Variants in TMEM132D observed in about 807,000 individuals in gnomAD.
The protein encoded by TMEM132D is transmembrane protein 132D.
TMEM132D carries 21 observed loss-of-function variants against 62.3 expected under a neutral mutation model. The ratio of observed to expected loss-of-function variants is 0.34; its 90% CI spans 0.24 to 0.49. The LOEUF (loss-of-function observed/expected upper bound fraction) is 0.49. Among genes scored for constraint, TMEM132D ranks in the 20% least tolerant of loss-of-function variants. The pLI is 0.99. For missense variants in TMEM132D, 1,346 were observed against 1,402.8 expected, an observed-to-expected ratio of 0.96 and a Z score of 0.65; for synonymous variants, 621 against 575.6, an observed-to-expected ratio of 1.08 and a Z score of -1.13.
At chr12:129,466,044 G>T (rs1205740745) in intron 3 of TMEM132D, among the ~76,000 whole-genome samples, 1 of 152,134 alleles carries the variant, frequency 6.6e-6, no homozygotes, top group Non-Finnish European at 1.5e-5. Context: ...TTAATGTAAA[G>T]GGTGTTTGAG....
At chr12:129,561,945 A>C (rs964159210) in intron 2 of TMEM132D, among the ~76,000 whole-genome samples, 2 of 152,178 alleles carry the variant, frequency 1.3e-5, no homozygotes, top group African/African-American at 4.8e-5. Context: ...GGAAGGTGAA[A>C]AGTTTCTGTG....
intron 2 of TMEM132D, among the ~76,000 whole-genome samples, chr12:129,599,963 G>A (rs1461767690): frequency 6.6e-6 from 1 of 152,172 alleles, no homozygotes; most frequent in East Asian, 1.9e-4. Context: ...AGGTTGGAGT[G>A]GCTGTGGCAA....
intron 4 of TMEM132D, among the ~76,000 whole-genome samples, chr12:129,309,804 C>T (rs1426649813): frequency 2.6e-5 from 4 of 151,236 alleles, no homozygotes; most frequent in East Asian, 3.9e-4. Context: ...GTGGTCAGGC[C>T]GGAAAATCGA....
intron 1 of TMEM132D, among the ~76,000 whole-genome samples, chr12:129,893,152 G>A (rs928096965): frequency 6.6e-6 from 1 of 152,150 alleles, no homozygotes; most frequent in Non-Finnish European, 1.5e-5. Context: ...TGGGATTACA[G>A]GCAGGAGCCA....
At chr12:129,125,289 G>A (rs114761689) in intron 5 of TMEM132D, among the ~76,000 whole-genome samples, 1,629 of 152,258 alleles carry the variant, frequency 0.011, 28 homozygotes, top group African/African-American at 0.037. Flanking sequence ...AAGTTGAGGA[G>A]ACATTCTGGA....
At chr12:129,125,222 T>G (rs941436515) in intron 5 of TMEM132D, among the ~76,000 whole-genome samples, 4 of 152,226 alleles carry the variant, frequency 2.6e-5, no homozygotes, top group African/African-American at 9.6e-5. Flanking sequence ...GACCATCTAT[T>G]AAACACACTT....
chr12:129,473,512 G>A (rs900463094), intron 3 of TMEM132D, among the ~76,000 whole-genome samples: 1 of 151,586 alleles, frequency 6.6e-6, no homozygotes, highest in Admixed American at 6.6e-5. Flanking sequence ...TGTATTTTTA[G>A]TAGAGATGGG....
At chr12:129,284,068 T>G (rs1019870740) in intron 4 of TMEM132D, among the ~76,000 whole-genome samples, 1 of 152,266 alleles carries the variant, frequency 6.6e-6, no homozygotes, top group African/African-American at 2.4e-5. Context: ...CTGTGCAGCC[T>G]TGGCTCAGCT....
At chr12:129,833,127 A>C (rs551389179) in intron 1 of TMEM132D, among the ~76,000 whole-genome samples, 1 of 152,040 alleles carries the variant, frequency 6.6e-6, no homozygotes, top group African/African-American at 2.4e-5. Context: ...TCCACACACA[A>C]CTCTACTTGG....
chr12:129,146,076 C>CT (rs10714658), intron 5 of TMEM132D, among the ~76,000 whole-genome samples: 28 of 149,456 alleles, frequency 1.9e-4, no homozygotes, highest in African/African-American at 3.9e-4. Context: ...CCATACTGAT[C>CT]TTTTTTTTTT....
intron 3 of TMEM132D, among the ~76,000 whole-genome samples, chr12:129,347,272 C>T (rs1869716388): frequency 6.6e-6 from 1 of 152,142 alleles, no homozygotes; most frequent in South Asian, 2.1e-4. Flanking sequence ...GCAAAAAGAA[C>T]AAAGCTGGCA....
chr12:129,185,072 T>C (rs1186247911), intron 5 of TMEM132D, among the ~76,000 whole-genome samples: 1 of 152,216 alleles, frequency 6.6e-6, no homozygotes, highest in Non-Finnish European at 1.5e-5. Context: ...GCTGAACTTA[T>C]TTATTTTCTA....
chr12:129,553,966 C>A (rs77188802), intron 2 of TMEM132D, among the ~76,000 whole-genome samples: 1 of 152,142 alleles, frequency 6.6e-6, no homozygotes, highest in South Asian at 2.1e-4. Flanking sequence ...GCTTTCTTTC[C>A]GGGTCTCTCC....
intron 5 of TMEM132D, among the ~76,000 whole-genome samples, chr12:129,145,834 CAA>C (rs1193031903): frequency 1.3e-5 from 2 of 151,998 alleles, no homozygotes; most frequent in Non-Finnish European, 2.9e-5. Context: ...CAGGGGTGTC[CAA>C]GAGAGAGAAT....
chr12:129,568,189 G>A (rs1221082496), intron 2 of TMEM132D, among the ~76,000 whole-genome samples: 1 of 152,202 alleles, frequency 6.6e-6, no homozygotes, highest in African/African-American at 2.4e-5. Flanking sequence ...CTGCAGTGTG[G>A]AGTCCAGTCT....
At chr12:129,834,721 C>T (rs1034656952) in intron 1 of TMEM132D, among the ~76,000 whole-genome samples, 8 of 152,156 alleles carry the variant, frequency 5.3e-5, no homozygotes, top group East Asian at 3.9e-4. Flanking sequence ...AATGGAACCC[C>T]GTCCACAGAG....
chr12:129,142,428 G>A (rs1427293933), intron 5 of TMEM132D, among the ~76,000 whole-genome samples: 4 of 152,138 alleles, frequency 2.6e-5, no homozygotes, highest in East Asian at 3.9e-4. Context: ...TGTCATCTAT[G>A]GGCTGGCTTT....
At chr12:129,278,578 G>A (rs1163101996) in intron 4 of TMEM132D, among the ~76,000 whole-genome samples, 1 of 152,168 alleles carries the variant, frequency 6.6e-6, no homozygotes, top group Non-Finnish European at 1.5e-5. Flanking sequence ...GAAGCCATTT[G>A]ACTGTGTTTG....
In TMEM132D at chr12:129,109,768, T is replaced by C. The variant is rs151005665; in HGVS notation, c.1444-25066A>G. The C allele has an allele frequency of 3.7e-3, 598 of 159,722 alleles. 3 individuals are homozygous for C. Among genetic ancestry groups the C allele is most frequent in the Non-Finnish European group, 5.9e-3 (439 of 73,868 alleles). 9.9% of individuals were successfully genotyped at this position (159,722 alleles called of 1,614,324 possible). On this transcript the variant is annotated intron_variant, in intron 5 of 8. Transcript: ENST00000422113. ...TAGCCATGGGGACCTGTAAGTCCAA[T>C]GAAACCTCTTTTTGTTCCCCGTTTT...
Sources: gnomAD v4.1 joint callset for allele counts (sites outside exome capture counted in the v4.1 genomes callset) on GRCh38, gnomAD v4.1.1 for gene constraint, MANE v1.5 for transcripts, NCBI Gene and HGNC (gene_info 2026-07-23, HGNC 2026-07-21) for gene names.